Variants in BRSK1 observed in about 807,000 individuals in gnomAD.
The protein encoded by BRSK1 is serine/threonine-protein kinase BRSK1.
BRSK1 carries 17 observed loss-of-function variants against 86.2 expected under a neutral mutation model. The ratio of observed to expected loss-of-function variants is 0.20; its 90% CI spans 0.14 to 0.30. The LOEUF (loss-of-function observed/expected upper bound fraction) is 0.30, where lower values mean the gene tolerates loss of function less well. BRSK1 is among the 10% of genes least tolerant of loss of function. The probability of loss-of-function intolerance (pLI) is 1.00; values close to 1 mark genes in which losing one functional copy is unlikely to be tolerated. For synonymous variants in BRSK1, 464 were observed against 440.1 expected, an observed-to-expected ratio of 1.05 and a Z score of -0.68; for missense variants, 719 against 1,071.9, an observed-to-expected ratio of 0.67 and a Z score of 4.60.
At chr19:55,308,369 A>G (rs1188368544) in intron 17 of BRSK1, among the ~76,000 whole-genome samples, 6 of 106,342 alleles carry the variant, frequency 5.6e-5, no homozygotes, top group African/African-American at 1.3e-4. Context: ...GGCCTCCGCT[A>G]GAAACTAACA....
In BRSK1 at chr19:55,312,053, G is replaced by C. The variant is rs113284733; in HGVS notation, c.2322G>C (p.Gly774=). 657 of 1,477,312 alleles carry C rather than the reference G, an allele frequency of 4.4e-4. 2 individuals carry two copies. In the African/African-American group the frequency reaches 8.4e-3, roughly 19 times the overall value. 91.5% of individuals were successfully genotyped at this position (1,477,312 alleles called of 1,614,324 possible). ...PKDKKLLATN[G]TPLP ...ACAAGAAGCTCCTGGCCACCAACGG[G>C]ACCCCTCTGCCCTGACCCCACGGGG... is the stretch of plus-strand genomic sequence containing the variant. The change falls in exon 19 of 19, where the codon GGG becomes GGC. Residue 774 remains glycine (G), a synonymous_variant. Coordinates refer to ENST00000309383, the MANE Select transcript of BRSK1 (RefSeq NM_032430.2).
At position 55,294,261 on chromosome 19, in the gene BRSK1, G is replaced by T. The variant is rs371273066; in HGVS notation, c.609+14G>T. 5.0e-6 allele frequency: 8 copies of T among 1,613,956 alleles called. No homozygotes were observed. Among genetic ancestry groups the T allele is most frequent in the African/African-American group, 2.7e-5 (2 of 74,892 alleles). On this transcript the variant is annotated intron_variant, in intron 6 of 18. Transcript: ENST00000309383. The surrounding 1 kb of genome is among the most constrained non-coding windows in gnomAD (Gnocchi z 4.9). Reference sequence around the variant, plus strand: ...GAGGTGATTAAGGTGAGTGAGGGGCGGATAGAGGGGAGAGGGGTGGAGGCA... The same window carrying T: ...GAGGTGATTAAGGTGAGTGAGGGGCTGATAGAGGGGAGAGGGGTGGAGGCA...
chr19:55,293,797 G>A (rs935176786), intron 4 of BRSK1, among the ~76,000 whole-genome samples: 9 of 152,116 alleles, frequency 5.9e-5, no homozygotes, highest in Non-Finnish European at 7.4e-5. Context: ...GAGACAGAGC[G>A]AGATTCCATC....
chr19:55,292,593 G>A (rs552730585), intron 4 of BRSK1, among the ~76,000 whole-genome samples: 13 of 151,788 alleles, frequency 8.6e-5, no homozygotes, highest in African/African-American at 3.1e-4. Context: ...CAGCATTTTG[G>A]GAGGCCGAGG....
intron 3 of BRSK1, among the ~76,000 whole-genome samples, chr19:55,288,621 T>C (rs2088358622): frequency 6.6e-6 from 1 of 151,996 alleles, no homozygotes; most frequent in Admixed American, 6.6e-5. Context: ...GTTTTGCTCT[T>C]GTTGCCCAGG....
intron 7 of BRSK1, among the ~76,000 whole-genome samples, chr19:55,297,739 G>T (rs1309657820): frequency 6.6e-6 from 1 of 152,180 alleles, no homozygotes; most frequent in Non-Finnish European, 1.5e-5. Context: ...CCCTACCTCA[G>T]TGTCCTCATC....
chr19:55,304,751 C>A lies in BRSK1; in HGVS notation c.1548C>A (p.Pro516=). 1 of 1,538,966 alleles carries A rather than the reference C, an allele frequency of 6.5e-7. No individual in the cohort carries two copies. Among genetic ancestry groups the A allele is most frequent in the Non-Finnish European group, 8.7e-7 (1 of 1,147,272 alleles). The part of the protein sequence containing the change: ...PGSPRSSGGT[P]LHSPLHTPRA... ...CCCCGCGCTCCTCTGGCGGGACCCC[C>A]TTGCACTCGCCTCTGCACACGCCCC... The change falls in exon 14 of 19, where the codon CCC becomes CCA. Residue 516 remains proline, a synonymous_variant. Transcript: ENST00000309383. This position sits in a 1 kb window ranked among gnomAD's most constrained non-coding sequence, Gnocchi z 5.2.
intron 7 of BRSK1, among the ~76,000 whole-genome samples, chr19:55,295,140 T>C (rs191623591): frequency 6.7e-6 from 1 of 149,134 alleles, no homozygotes; most frequent in Non-Finnish European, 1.5e-5. Flanking sequence ...TTTTATTTTT[T>C]GAGAGAGGAT....
intron 7 of BRSK1, among the ~76,000 whole-genome samples, chr19:55,295,812 T>A (rs973332780): frequency 6.6e-6 from 1 of 151,950 alleles, no homozygotes; most frequent in African/African-American, 2.4e-5. Context: ...CTACTAGAAA[T>A]ACAAAAACTA....
In BRSK1 at chr19:55,304,682, GC is replaced by G; in HGVS notation, c.1485del (p.Ser496ValfsTer87). 3 of 1,459,778 alleles carry G rather than the reference GC, an allele frequency of 2.1e-6. No individual in the cohort carries two copies. The highest frequency in any genetic ancestry group is 2.7e-6 in the Non-Finnish European group (3 of 1,112,878). The allele number at this position is 1,459,778 out of a possible 1,614,324, so 90.4% of individuals were successfully genotyped here. ...GTGGGGGCGCCGGGGAGCAGCCCCC[GC>G]CCCCCAGTGCCCGCTCCACACCCCT... is the stretch of plus-strand genomic sequence containing the variant. The part of the protein sequence containing the change: ...RGGGAGEQPP[P>X]PSARSTPLPG... On this transcript the variant is annotated frameshift_variant, in exon 14 of 19. Transcript: ENST00000309383. LOFTEE classifies it high-confidence loss of function. This position sits in a 1 kb window ranked among gnomAD's most constrained non-coding sequence, Gnocchi z 5.2.
intron 7 of BRSK1, among the ~76,000 whole-genome samples, chr19:55,296,153 C>T (rs774232769): frequency 6.6e-6 from 1 of 152,142 alleles, no homozygotes; most frequent in South Asian, 2.1e-4. Flanking sequence ...TCCTCCTCCC[C>T]ACTCCTGTAA....
At position 55,286,893 on chromosome 19, in the gene BRSK1, G is replaced by A. The variant is rs552960103; in HGVS notation, c.137-114G>A. On this transcript the variant is annotated intron_variant, in intron 1 of 18. Transcript: ENST00000309383. ...TCAGGTCTGATGTGTTCAGGCCATT[G>A]TTAAACAGCCAGCCCAGGAGGAAGG... The A allele has an allele frequency of 2.1e-5, 20 of 938,330 alleles. No individual in the cohort carries two copies. The South Asian group carries it at 2.8e-4, about 13-fold the overall frequency. The allele number at this position is 938,330 out of a possible 1,614,324, so 58.1% of individuals were successfully genotyped here. A position where few individuals can be genotyped will look rare whatever the true frequency, so the allele number is the denominator to read the frequency against.
intron 7 of BRSK1, among the ~76,000 whole-genome samples, chr19:55,298,369 A>T (rs901005684): frequency 6.2e-4 from 87 of 140,148 alleles, no homozygotes; most frequent in Middle Eastern, 9.3e-3. Context: ...ATGGGGTTTC[A>T]CCATGTTGGC....
chr19:55,284,151 G>T lies in BRSK1; in HGVS notation c.-292G>T, dbSNP rs1032169025. On this transcript the variant is annotated 5_prime_UTR_variant, in exon 1 of 19. Transcript: ENST00000309383. Reference sequence around the variant, plus strand: ...GCACCTCAGACCCCCCCGGCGGGGGGAGGCGCAGGAAGCGGGGGGCCGGCC... The same window carrying T: ...GCACCTCAGACCCCCCCGGCGGGGGTAGGCGCAGGAAGCGGGGGGCCGGCC... The T allele has an allele frequency of 8.9e-7, 1 of 1,127,218 alleles. No homozygotes were observed. The highest frequency in any genetic ancestry group is 1.6e-5 in the African/African-American group (1 of 62,042). 69.8% of individuals were successfully genotyped at this position (1,127,218 alleles called of 1,614,324 possible).
chr19:55,306,361 T>G lies in BRSK1; in HGVS notation c.2000T>G (p.Ile667Ser). ...AAGCCCGTCCGCTTCCAGGTGGACA[T>G]CAGCTCCTCTGAGGGTCCAGAGCCC... ...FQKPVRFQVDISSSEGPEPSP... is the reference protein window; with the variant it reads ...FQKPVRFQVDSSSSEGPEPSP... The change falls in exon 17 of 19, where the codon ATC becomes AGC. Residue 667 changes from isoleucine (I) to serine (S), a missense_variant. By Grantham distance (142) the Ile-to-Ser change is moderately radical. This residue lies in a region of BRSK1 where 180 missense variants were observed against 259.4 expected (regional missense o/e 0.69). Coordinates refer to ENST00000309383, the MANE Select transcript of BRSK1 (RefSeq NM_032430.2). This position sits in a 1 kb window ranked among gnomAD's most constrained non-coding sequence, Gnocchi z 4.7. 1 of 1,614,074 alleles carries G rather than the reference T, an allele frequency of 6.2e-7. No individual in the cohort carries two copies. The highest frequency in any genetic ancestry group is 8.5e-7 in the Non-Finnish European group (1 of 1,180,024).
In BRSK1 at chr19:55,302,876, C is replaced by G. The variant is rs766590610; in HGVS notation, c.1028+9C>G. The G allele has an allele frequency of 6.2e-7, 1 of 1,609,270 alleles. No homozygotes were observed. The highest frequency in any genetic ancestry group is 8.5e-7 in the Non-Finnish European group (1 of 1,176,960). Reference sequence around the variant, plus strand: ...GAGCTGCGCAGTGAGGAGTAAGACCCCAAGACCCCTGCACCCGTGTACCCA... The same window carrying G: ...GAGCTGCGCAGTGAGGAGTAAGACCGCAAGACCCCTGCACCCGTGTACCCA... On this transcript the variant is annotated intron_variant, in intron 10 of 18. Transcript: ENST00000309383. This position sits in a 1 kb window ranked among gnomAD's most constrained non-coding sequence, Gnocchi z 6.3.
rs2122929428 is a variant in BRSK1 at position 55,287,107 on chromosome 19, T to G, written c.231+6T>G. On this transcript the variant is annotated splice_donor_region_variant and intron_variant, in intron 2 of 18. Transcript: ENST00000309383. The surrounding 1 kb of genome is among the most constrained non-coding windows in gnomAD (Gnocchi z 5.3). ...CGGAGTCGGTGCTGATGAAGGTGTG[T>G]GCGCCTGCTGCAGTGTGCCTGCGGG... 6.7e-7 allele frequency: 1 copy of G among 1,488,136 alleles called. No homozygotes were observed. The allele number at this position is 1,488,136 out of a possible 1,614,324, so 92.2% of individuals were successfully genotyped here.
intron 7 of BRSK1, among the ~76,000 whole-genome samples, chr19:55,297,367 A>G (rs943944891): frequency 6.6e-6 from 1 of 152,080 alleles, no homozygotes; most frequent in African/African-American, 2.4e-5. Context: ...ACGCCCAGCC[A>G]TAAGCAGTTT....
At chr19:55,307,582 C>G (rs74179616) in intron 17 of BRSK1, among the ~76,000 whole-genome samples, 1 of 145,886 alleles carries the variant, frequency 6.9e-6, no homozygotes, top group African/African-American at 2.6e-5. Context: ...ATATGCAGAC[C>G]TTTCTCAATT....
Sources: gnomAD v4.1 joint callset for allele counts (sites outside exome capture counted in the v4.1 genomes callset) on GRCh38, gnomAD v4.1.1 for gene constraint, gnomAD v4.1.1 regional missense constraint, Gnocchi (gnomAD v3.1) non-coding constraint, MANE v1.5 for transcripts, NCBI Gene and HGNC (gene_info 2026-07-23, HGNC 2026-07-21) for gene names.